The following PPP1R37 variants were observed in gnomAD, a reference collection of about 807,000 sequenced individuals.
PPP1R37 encodes the protein protein phosphatase 1 regulatory subunit 37.
Under a neutral mutation model 61.0 loss-of-function variants are expected in PPP1R37, and 21 were observed. That is an observed-to-expected ratio of 0.34 (90% CI 0.24 to 0.50). The LOEUF (loss-of-function observed/expected upper bound fraction) is 0.50. PPP1R37 is among the 20% of genes least tolerant of loss of function. The pLI, the probability that PPP1R37 is intolerant of heterozygous loss-of-function variation, is 0.98. For missense variants in PPP1R37, 910 were observed against 952.7 expected (o/e 0.96, Z 0.59); for synonymous variants, 443 against 433.5 (o/e 1.02, Z -0.27).
In PPP1R37 at chr19:45,127,352, CAAAA is replaced by C. The variant is rs11295552; in HGVS notation, c.203-11141_203-11138del. Among the ~76,000 whole-genome samples the C allele has an allele frequency of 3.0e-3, 210 of 69,642 alleles. 2 individuals are homozygous for C. The highest frequency in any genetic ancestry group is 9.6e-3 in the African/African-American group (197 of 20,556). The allele number at this position is 69,642 out of a possible 152,430, so 45.7% of individuals were successfully genotyped here. On this transcript the variant is annotated intron_variant, in intron 1 of 12. Coordinates refer to ENST00000221462, the MANE Select transcript of PPP1R37 (RefSeq NM_019121.2). ...GGGCAAGAAGAGTAAAACTCCATCTCAAAAAAAAAAAAAAAAAAAAAAAACCCTA... is the reference window on the plus strand; with the variant it reads ...GGGCAAGAAGAGTAAAACTCCATCTCAAAAAAAAAAAAAAAAAAAACCCTA...
At chr19:45,124,056 CAG>C (rs1372291251) in intron 1 of PPP1R37, among the ~76,000 whole-genome samples, 7 of 152,200 alleles carry the variant, frequency 4.6e-5, no homozygotes, top group South Asian at 2.1e-4. Flanking sequence ...GTTGGGGTAA[CAG>C]TGTGGACCAC....
At chr19:45,131,164 G>C (rs1653717343) in intron 1 of PPP1R37, among the ~76,000 whole-genome samples, 2 of 152,214 alleles carry the variant, frequency 1.3e-5, no homozygotes, top group Non-Finnish European at 2.9e-5. Flanking sequence ...CCCTTTGTGA[G>C]GGCCACAGCC....
At chr19:45,128,891 C>T (rs923612151) in intron 1 of PPP1R37, 4 of 666,680 alleles carry the variant, frequency 6.0e-6, no homozygotes, top group Non-Finnish European at 1.1e-5. Context: ...CAGGGAGGTG[C>T]GAGAGGACCT....
chr19:45,095,759 A>T (rs1265669736), intron 1 of PPP1R37, among the ~76,000 whole-genome samples: 7 of 88,934 alleles, frequency 7.9e-5, no homozygotes, highest in Non-Finnish European at 1.6e-4. Context: ...ACCCGGTCTT[A>T]AAAAAAAAAA....
In PPP1R37 at chr19:45,145,370, G is replaced by C; in HGVS notation, c.1314G>C (p.Glu438Asp). The C allele has an allele frequency of 6.5e-7, 1 of 1,535,110 alleles. No individual in the cohort carries two copies. The highest frequency in any genetic ancestry group is 1.2e-5 in the South Asian group (1 of 84,028). Reference sequence around the variant, plus strand: ...CGCCACAGGTGAAGAGCTTCATCGAGACGCAGAAGGCGCTGCTGGCCGAGA... The same window carrying C: ...CGCCACAGGTGAAGAGCTTCATCGACACGCAGAAGGCGCTGCTGGCCGAGA... ...PKKEAVKSFI[E>D]TQKALLAEIQ... The change falls in exon 11 of 13, where the codon GAG becomes GAC. Residue 438 changes from glutamate (E) to aspartate (D), a missense_variant. Glu to Asp is a conservative substitution (Grantham distance 45). Transcript: ENST00000221462.
intron 12 of PPP1R37, 31 bp downstream of exon 12, chr19:45,146,511 G>A (rs763742355): frequency 1.7e-5 from 25 of 1,455,182 alleles, no homozygotes; most frequent in African/African-American, 7.0e-5. Context: ...CACAGCACTC[G>A]GGAGGAGCTG....
chr19:45,114,625 A>G (rs1335131206), intron 1 of PPP1R37, among the ~76,000 whole-genome samples: 1 of 152,162 alleles, frequency 6.6e-6, no homozygotes, highest in Non-Finnish European at 1.5e-5. Flanking sequence ...CCATGCCCTC[A>G]CTAGGTTGCT....
At position 45,121,729 on chromosome 19, in the gene PPP1R37, C is replaced by T. The variant is rs11672002; in HGVS notation, c.203-16785C>T. 0.27 allele frequency among the ~76,000 whole-genome samples: 41,177 copies of T among 152,132 alleles called. 5,975 individuals carry two copies. The highest frequency in any genetic ancestry group is 0.33 in the Non-Finnish European group (22,119 of 67,978). Reference sequence around the variant, plus strand: ...GGTGGGGTGCTGGGGCCTCCACGGGCGTCATTCTGTGGTTGCTCCAGGATT... The same window carrying T: ...GGTGGGGTGCTGGGGCCTCCACGGGTGTCATTCTGTGGTTGCTCCAGGATT... On this transcript the variant is annotated intron_variant, in intron 1 of 12. Transcript: ENST00000221462. This position sits in a 1 kb window ranked among gnomAD's most constrained non-coding sequence, Gnocchi z 4.2.
rs1234103017 is a variant in PPP1R37, at chr19:45,145,004, C to T, written c.1129+9C>T. 2.0e-6 allele frequency: 3 copies of T among 1,531,976 alleles called. No homozygotes were observed. Among genetic ancestry groups the T allele is most frequent in the Non-Finnish European group, 2.6e-6 (3 of 1,144,942 alleles). The allele number at this position is 1,531,976 out of a possible 1,614,324, so 94.9% of individuals were successfully genotyped here. ...CAAGCTCACGTGCGAGGGTAGGGTA[C>T]GGGGCCGGGCCAGGGTGCGGGCTGG... On this transcript the variant is annotated intron_variant, in intron 9 of 12. Coordinates refer to ENST00000221462, the MANE Select transcript of PPP1R37 (RefSeq NM_019121.2).
rs1244451697 is a variant in PPP1R37 at position 45,112,329 on chromosome 19, C to T, written c.202+18802C>T. ...GGGATTACCTTCTGATACATTTCAC[C>T]TGGGGCGTGAGCAAGACTTTCGCTA... On this transcript the variant is annotated intron_variant, in intron 1 of 12. Transcript: ENST00000221462. 4.6e-5 allele frequency among the ~76,000 whole-genome samples: 7 copies of T among 152,240 alleles called. No individual in the cohort carries two copies. In the East Asian group the frequency reaches 1.3e-3, roughly 29 times the overall value.
Position 45,123,638 on chromosome 19 carries a change from T to G in PPP1R37, c.203-14876T>G, listed in dbSNP as rs531244673. Among the ~76,000 whole-genome samples the G allele has an allele frequency of 2.0e-5, 3 of 152,286 alleles. No homozygotes were observed. The South Asian group carries it at 6.2e-4, about 32-fold the overall frequency. ...GCGTGGTAGAGGCTGGAAATTCTAC[T>G]CTGCAGGATTATGATGCGGATTAAA... On this transcript the variant is annotated intron_variant, in intron 1 of 12. Coordinates refer to ENST00000221462, the MANE Select transcript of PPP1R37 (RefSeq NM_019121.2).
At position 45,101,008 on chromosome 19, in the gene PPP1R37, A is replaced by G. The variant is rs58038045; in HGVS notation, c.202+7481A>G. On this transcript the variant is annotated intron_variant, in intron 1 of 12. Coordinates refer to ENST00000221462, the MANE Select transcript of PPP1R37 (RefSeq NM_019121.2). ...CCCCGTAACCAGTCATGCATTCAGC[A>G]TGGTGTGGCCGTGCCACGTGTTACG... Among the ~76,000 whole-genome samples, 1,212 of 152,342 alleles carry G rather than the reference A, an allele frequency of 8.0e-3. 18 individuals are homozygous for G. Among genetic ancestry groups the G allele is most frequent in the African/African-American group, 0.028 (1,152 of 41,582 alleles).
chr19:45,127,352 C>CAAAAAAAAAAAAAAAAAAAAAAAAAA, intron 1 of PPP1R37, among the ~76,000 whole-genome samples: 1 of 69,680 alleles, frequency 1.4e-5, no homozygotes. Context: ...AACTCCATCT[C>CAAAAAAAAAAAAAAAAAAAAAAAAAA]AAAAAAAAAA....
intron 1 of PPP1R37, chr19:45,128,603 A>AG: frequency 7.9e-7 from 1 of 1,263,130 alleles, no homozygotes; most frequent in Non-Finnish European, 1.1e-6. Context: ...CAAGAGATGC[A>AG]GGGGCCTCGG....
intron 1 of PPP1R37, among the ~76,000 whole-genome samples, chr19:45,103,196 T>C (rs1318003757): frequency 6.6e-6 from 1 of 152,186 alleles, no homozygotes; most frequent in East Asian, 1.9e-4. Context: ...CAGAAGTTGT[T>C]CTCACCCCTT....
intron 1 of PPP1R37, among the ~76,000 whole-genome samples, chr19:45,118,297 A>AC (rs1325761309): frequency 6.6e-6 from 1 of 152,002 alleles, no homozygotes; most frequent in Non-Finnish European, 1.5e-5. Context: ...GGGGCCTGTG[A>AC]CCTGTGTCAC....
intron 1 of PPP1R37, among the ~76,000 whole-genome samples, chr19:45,115,980 A>C (rs926736575): frequency 1.3e-5 from 2 of 152,008 alleles, no homozygotes; most frequent in African/African-American, 4.8e-5. Flanking sequence ...GTCTCAAAAA[A>C]AAAAAAAAAG....
intron 1 of PPP1R37, among the ~76,000 whole-genome samples, chr19:45,134,713 C>T (rs144168048): frequency 6.6e-6 from 1 of 152,060 alleles, no homozygotes; most frequent in Non-Finnish European, 1.5e-5. Context: ...GAACCCACCA[C>T]CACGCCCGGC....
At chr19:45,109,563 G>T (rs996515674) in intron 1 of PPP1R37, among the ~76,000 whole-genome samples, 4 of 152,218 alleles carry the variant, frequency 2.6e-5, no homozygotes, top group African/African-American at 7.2e-5. Flanking sequence ...CATTTTTGCA[G>T]ATAAGAAACT....
Sources: allele counts gnomAD v4.1 joint callset (sites outside exome capture counted in the v4.1 genomes callset), GRCh38; gene constraint gnomAD v4.1.1; non-coding constraint Gnocchi (gnomAD v3.1); transcripts MANE v1.5; gene names NCBI Gene and HGNC (gene_info 2026-07-23, HGNC 2026-07-21).